The following CFAP58 variants were observed in gnomAD, a reference collection of about 807,000 sequenced individuals.
CFAP58 encodes cilia and flagella associated protein 58, also known as cilia- and flagella-associated protein 58.
In CFAP58, 88 loss-of-function variants were observed where a neutral mutation model predicts 119.5. That is an observed-to-expected ratio of 0.74 (90% CI 0.62 to 0.88). CFAP58 has a LOEUF of 0.88. Among genes scored for constraint, CFAP58 ranks in the 40% least tolerant of loss-of-function variants. The pLI, the probability that CFAP58 is intolerant of heterozygous loss-of-function variation, is 0.00. For synonymous variants in CFAP58, 365 were observed against 366.3 expected (o/e 1.00, Z 0.04); for missense variants, 990 against 1,021.2 (o/e 0.97, Z 0.42).
chr10:104,453,928 C>G (rs929317650), intron 17 of CFAP58, among the ~76,000 whole-genome samples: 1 of 152,090 alleles, frequency 6.6e-6, no homozygotes, highest in Non-Finnish European at 1.5e-5. Flanking sequence ...ATAATGGTTG[C>G]TTGTCTAGGG....
Position 104,372,495 on chromosome 10 carries a change from T to C in CFAP58, c.1090+1441T>C, listed in dbSNP as rs554714533. Reference sequence around the variant, plus strand: ...CTTATCTCAACAGTTTCTCTGTTCATGCATTCAGTAAATCAAACCCAGACT... The same window carrying C: ...CTTATCTCAACAGTTTCTCTGTTCACGCATTCAGTAAATCAAACCCAGACT... On this transcript the variant is annotated intron_variant, in intron 7 of 17. Coordinates refer to ENST00000369704, the MANE Select transcript of CFAP58 (RefSeq NM_001008723.2). 1.4e-4 allele frequency among the ~76,000 whole-genome samples: 22 copies of C among 152,340 alleles called. No individual in the cohort carries two copies. The South Asian group carries it at 3.9e-3, about 27-fold the overall frequency.
intron 14 of CFAP58, among the ~76,000 whole-genome samples, chr10:104,404,697 C>T (rs551447847): frequency 6.6e-6 from 1 of 152,180 alleles, no homozygotes; most frequent in South Asian, 2.1e-4. Flanking sequence ...GCAAGCTCTG[C>T]CTCCCGGGTT....
chr10:104,406,881 C>A, intron 15 of CFAP58, 88 bp downstream of exon 15: 2 of 983,032 alleles, frequency 2.0e-6, no homozygotes, highest in Non-Finnish European at 3.2e-6. Flanking sequence ...TATTTGGCAG[C>A]ATTGCATGTC....
At chr10:104,370,843 C>T in intron 6 of CFAP58, 52 bp from the exon 7 acceptor site, 8 of 1,528,548 alleles carry the variant, frequency 5.2e-6, no homozygotes, top group Non-Finnish European at 6.2e-6. Context: ...TCATCCAGTT[C>T]CTGGCTCTTC....
Position 104,454,575 on chromosome 10 carries a change from G to T in CFAP58, c.*45G>T. 7.1e-7 allele frequency: 1 copy of T among 1,399,126 alleles called. No homozygotes were observed. Among genetic ancestry groups the T allele is most frequent in the Non-Finnish European group, 1.0e-6 (1 of 986,468 alleles). The allele number at this position is 1,399,126 out of a possible 1,614,324, so 86.7% of individuals were successfully genotyped here. ...TCCAGTTGAACAACTCATGAAATCT[G>T]CTCTGGGACATTTTGGGGGAATCTC... On this transcript the variant is annotated 3_prime_UTR_variant, in exon 18 of 18. Transcript: ENST00000369704.
In CFAP58 at chr10:104,376,901, T is replaced by A. The variant is rs935320872; in HGVS notation, c.1173+8T>A. The A allele has an allele frequency of 1.9e-6, 3 of 1,597,860 alleles. No homozygotes were observed. Among genetic ancestry groups the A allele is most frequent in the Non-Finnish European group, 2.6e-6 (3 of 1,165,702 alleles). Reference sequence around the variant, plus strand: ...AGGGACATACTAAATAAGGTGAGTGTGTTACAGTCACACTGGTAAATAAAT... The same window carrying A: ...AGGGACATACTAAATAAGGTGAGTGAGTTACAGTCACACTGGTAAATAAAT... On this transcript the variant is annotated splice_region_variant and intron_variant, in intron 8 of 17. Coordinates refer to ENST00000369704, the MANE Select transcript of CFAP58 (RefSeq NM_001008723.2).
At chr10:104,417,136 T>G (rs2012567134) in intron 15 of CFAP58, among the ~76,000 whole-genome samples, 1 of 152,218 alleles carries the variant, frequency 6.6e-6, no homozygotes, top group South Asian at 2.1e-4. Context: ...GCTCTAGAAG[T>G]TGGTTTCTTT....
At chr10:104,361,919 T>G in intron 2 of CFAP58, 104 bp from the exon 3 acceptor site, 1 of 1,107,716 alleles carries the variant, frequency 9.0e-7, no homozygotes, top group Non-Finnish European at 1.3e-6. Context: ...TCAATGCACA[T>G]TTATATAACT....
intron 1 of CFAP58, among the ~76,000 whole-genome samples, chr10:104,357,857 A>ATG (rs1589906087): frequency 1.2e-4 from 9 of 76,534 alleles, no homozygotes; most frequent in East Asian, 5.0e-4. Context: ...ACACATATAT[A>ATG]CACATATATA....
chr10:104,370,975 G>T lies in CFAP58; in HGVS notation c.1011G>T (p.Leu337Phe). The T allele has an allele frequency of 1.2e-6, 2 of 1,613,582 alleles. No individual in the cohort carries two copies. The highest frequency in any genetic ancestry group is 1.7e-6 in the Non-Finnish European group (2 of 1,179,860). ...TCAGAGAACAAATTCATAAGAAATT[G>T]CACCACACCGAAGATCAAAAGGCAG... The part of the protein sequence containing the change: ...NKIREQIHKK[L>F]HHTEDQKAEV... Residue 337 changes from leucine to phenylalanine, a missense_variant, in exon 7 of 18, where the codon TTG becomes TTT. Physicochemically the swap from Leu to Phe is conservative, Grantham distance 22 (BLOSUM62 0). Transcript: ENST00000369704.
At chr10:104,420,100 G>A (rs1161092148) in intron 15 of CFAP58, among the ~76,000 whole-genome samples, 1 of 149,004 alleles carries the variant, frequency 6.7e-6, no homozygotes, top group Admixed American at 6.7e-5. Flanking sequence ...TAAGGGAGCA[G>A]ACTTTTAATA....
upstream of CFAP58, among the ~76,000 whole-genome samples, chr10:104,352,280 G>T (rs142420309): frequency 6.6e-6 from 1 of 152,202 alleles, no homozygotes; most frequent in Admixed American, 6.5e-5. Flanking sequence ...GGAGTGCAGC[G>T]TAGGGCAGTA....
In CFAP58 at chr10:104,361,230, A is replaced by G. The variant is rs183394943; in HGVS notation, c.292-793A>G. Among the ~76,000 whole-genome samples the G allele has an allele frequency of 7.2e-5, 11 of 152,378 alleles. No homozygotes were observed. The East Asian group carries it at 1.3e-3, about 19-fold the overall frequency. On this transcript the variant is annotated intron_variant, in intron 2 of 17. Transcript: ENST00000369704. ...TATGTCAAAATACACATTGCATTTT[A>G]TAACAGTAAGGAAGCCAAAGCTGCA...
At chr10:104,387,360 G>A (rs1326702199) in intron 9 of CFAP58, among the ~76,000 whole-genome samples, 1 of 152,150 alleles carries the variant, frequency 6.6e-6, no homozygotes, top group Admixed American at 6.6e-5. Context: ...TTCTCATGGG[G>A]GAAGGAAGGA....
chr10:104,384,053 C>T (rs1109127), intron 9 of CFAP58, among the ~76,000 whole-genome samples: 24,702 of 151,958 alleles, frequency 0.16, 2,175 homozygotes, highest in Middle Eastern at 0.32. Flanking sequence ...GAATCAGCCC[C>T]CCGAAAGGTT....
chr10:104,416,796 A>G (rs2012561446), intron 15 of CFAP58, among the ~76,000 whole-genome samples: 1 of 152,212 alleles, frequency 6.6e-6, no homozygotes, highest in South Asian at 2.1e-4. Context: ...TCTTTCTACT[A>G]GGGCCACATA....
chr10:104,403,988 T>C (rs776542072), intron 14 of CFAP58, 148 bp downstream of exon 14: 11 of 480,870 alleles, frequency 2.3e-5, no homozygotes, highest in Non-Finnish European at 3.7e-5. Flanking sequence ...CTGATGTAAA[T>C]TGAGTTTTCT....
Position 104,393,481 on chromosome 10 carries a change from G to A in CFAP58, c.1674+6G>A. On this transcript the variant is annotated splice_donor_region_variant and intron_variant, in intron 11 of 17. Transcript: ENST00000369704. ...AGGAAAAGGAAACATTGAAGGTACT[G>A]ACCTCATAGTAAAAGCAAAGTACCA... 1 of 1,609,962 alleles carries A rather than the reference G, an allele frequency of 6.2e-7. No individual in the cohort carries two copies. The highest frequency in any genetic ancestry group is 8.5e-7 in the Non-Finnish European group (1 of 1,177,140).
At chr10:104,432,055 T>C (rs1034004787) in intron 15 of CFAP58, among the ~76,000 whole-genome samples, 24 of 152,204 alleles carry the variant, frequency 1.6e-4, no homozygotes, top group Non-Finnish European at 2.5e-4. Flanking sequence ...TACACATACA[T>C]GAGCATCTCT....
Sources: gnomAD v4.1 joint callset for allele counts (sites outside exome capture counted in the v4.1 genomes callset) on GRCh38, gnomAD v4.1.1 for gene constraint, MANE v1.5 for transcripts, NCBI Gene and HGNC (gene_info 2026-07-23, HGNC 2026-07-21) for gene names.